Variants in AKAP13 observed in about 807,000 individuals in gnomAD.
The protein encoded by AKAP13 is A-kinase anchoring protein 13.
AKAP13 carries 80 observed loss-of-function variants against 264.5 expected under a neutral mutation model. That is an observed-to-expected ratio of 0.30 (90% CI 0.25 to 0.36). The LOEUF is 0.36. AKAP13 is among the 10% of genes least tolerant of loss of function. The pLI, the probability that AKAP13 is intolerant of heterozygous loss-of-function variation, is 1.00. For synonymous variants in AKAP13, 1,380 were observed against 1,250.2 expected, an observed-to-expected ratio of 1.10 and a Z score of -2.19; for missense variants, 3,712 against 3,435.2, an observed-to-expected ratio of 1.08 and a Z score of -2.01.
chr15:85,556,827 A>G (rs2078164271), intron 5 of AKAP13, among the ~76,000 whole-genome samples: 1 of 152,180 alleles, frequency 6.6e-6, no homozygotes, highest in Admixed American at 6.5e-5. Flanking sequence ...ACCTCCTCAG[A>G]AAGCTCTTCA....
At chr15:85,430,513 G>A (rs2150923432) in intron 1 of AKAP13, among the ~76,000 whole-genome samples, 1 of 152,286 alleles carries the variant, frequency 6.6e-6, no homozygotes, top group East Asian at 1.9e-4. Context: ...GCTAGTGGCT[G>A]GCGGTGGGTT....
chr15:85,682,895 G>A (rs1365788014), intron 15 of AKAP13, among the ~76,000 whole-genome samples: 4 of 152,156 alleles, frequency 2.6e-5, no homozygotes, highest in East Asian at 1.9e-4. Flanking sequence ...TCAAACTCCC[G>A]ACCTCAGGTG....
At chr15:85,384,455 G>T (rs1423128157) in intron 1 of AKAP13, among the ~76,000 whole-genome samples, 1 of 152,166 alleles carries the variant, frequency 6.6e-6, no homozygotes, top group East Asian at 1.9e-4. Flanking sequence ...AGTGGCTCAC[G>T]CCTGTAATCC....
In AKAP13 at chr15:85,394,429, T is replaced by C. The variant is rs369458224; in HGVS notation, c.-12+13631T>C. The stretch of plus-strand genomic sequence containing the variant: ...GTAGTCCCTTAAATGTGAATTGTCC[T>C]TGATTCATCCCTTTGAGCATTTTGA... On this transcript the variant is annotated intron_variant, in intron 1 of 36. Coordinates refer to ENST00000394518, the MANE Select transcript of AKAP13 (RefSeq NM_007200.5). Among the ~76,000 whole-genome samples the C allele has an allele frequency of 1.0e-3, 156 of 152,344 alleles. 5 individuals are homozygous for C. In the South Asian group the frequency reaches 0.031, roughly 30 times the overall value.
At chr15:85,547,045 A>T (rs564195449) in intron 5 of AKAP13, among the ~76,000 whole-genome samples, 8 of 152,286 alleles carry the variant, frequency 5.3e-5, no homozygotes, top group African/African-American at 1.9e-4. Flanking sequence ...CCCAGCCATG[A>T]TGCTATCTTT....
intron 1 of AKAP13, among the ~76,000 whole-genome samples, chr15:85,463,806 C>CTT (rs546749750): frequency 2.1e-5 from 3 of 144,446 alleles, no homozygotes; most frequent in Admixed American, 6.9e-5. Context: ...TGGGTCTTTA[C>CTT]TTTTTTTTTT....
intron 5 of AKAP13, among the ~76,000 whole-genome samples, chr15:85,551,507 C>G (rs1289953885): frequency 1.3e-5 from 2 of 152,164 alleles, no homozygotes; most frequent in Non-Finnish European, 2.9e-5. Flanking sequence ...TTTACAAACT[C>G]CCTTGGGCTT....
At chr15:85,432,810 T>C (rs1177593251) in intron 1 of AKAP13, among the ~76,000 whole-genome samples, 2 of 152,212 alleles carry the variant, frequency 1.3e-5, no homozygotes, top group Admixed American at 1.3e-4. Context: ...AGCAGATTTC[T>C]AACTACTTTG....
chr15:85,538,087 A>G (rs2077460616), intron 4 of AKAP13, among the ~76,000 whole-genome samples: 1 of 152,024 alleles, frequency 6.6e-6, no homozygotes, highest in African/African-American at 2.4e-5. Context: ...TTAGTTTCTC[A>G]GCTCGGTGGT....
At position 85,579,084 on chromosome 15, in the gene AKAP13, C is replaced by T; in HGVS notation, c.1016C>T (p.Thr339Ile). 6.2e-7 allele frequency: 1 copy of T among 1,614,166 alleles called. No individual in the cohort carries two copies. Among genetic ancestry groups the T allele is most frequent in the Non-Finnish European group, 8.5e-7 (1 of 1,180,036 alleles). Residue 339 changes from threonine to isoleucine, a missense_variant, in exon 7 of 37, where the codon ACT becomes ATT. Physicochemically the swap from Thr to Ile is moderately conservative, Grantham distance 89. Transcript: ENST00000394518. ...RLSSSEETES[T>I]QCCPGSPVAQ... Reference sequence around the variant, plus strand: ...TCTTCTTCTGAAGAGACTGAGAGCACTCAGTGCTGCCCAGGGAGCCCTGTT... The same window carrying T: ...TCTTCTTCTGAAGAGACTGAGAGCATTCAGTGCTGCCCAGGGAGCCCTGTT...
intron 4 of AKAP13, among the ~76,000 whole-genome samples, chr15:85,540,547 TA>T (rs1229810756): frequency 1.3e-5 from 2 of 152,050 alleles, no homozygotes; most frequent in South Asian, 2.1e-4. Context: ...ATTAGTGATC[TA>T]AAAAAATGAA....
chr15:85,394,586 G>T (rs540622775), intron 1 of AKAP13, among the ~76,000 whole-genome samples: 4 of 152,264 alleles, frequency 2.6e-5, no homozygotes, highest in African/African-American at 9.6e-5. Context: ...TACTTTGCTA[G>T]TTTCCTCACA....
At chr15:85,646,036 T>C in intron 10 of AKAP13, 82 bp downstream of exon 10, 1 of 1,537,620 alleles carries the variant, frequency 6.5e-7, no homozygotes, top group Non-Finnish European at 8.7e-7. Context: ...TTCCAACTTT[T>C]TCCCCCTCTT....
intron 14 of AKAP13, among the ~76,000 whole-genome samples, chr15:85,674,161 A>G (rs2084088565): frequency 6.6e-6 from 1 of 152,094 alleles, no homozygotes; most frequent in Non-Finnish European, 1.5e-5. Context: ...ATGCTTCTTA[A>G]TGAGATTTCA....
Position 85,711,926 on chromosome 15 carries a change from GGGCTC to G in AKAP13, c.5599+1282_5599+1286del, listed in dbSNP as rs1411876710. On this transcript the variant is annotated intron_variant, in intron 19 of 36. Coordinates refer to ENST00000394518, the MANE Select transcript of AKAP13 (RefSeq NM_007200.5). ...TAGCTCACTGTAACCTCAAACTCCTGGGCTCAAGAAATCCCCTCACCTCAGATTCC... is the reference window on the plus strand; with the variant it reads ...TAGCTCACTGTAACCTCAAACTCCTGAAGAAATCCCCTCACCTCAGATTCC... Among the ~76,000 whole-genome samples, 15 of 152,236 alleles carry G rather than the reference GGGCTC, an allele frequency of 9.9e-5. No individual in the cohort carries two copies. In the South Asian group the frequency reaches 3.1e-3, roughly 32 times the overall value.
intron 1 of AKAP13, among the ~76,000 whole-genome samples, chr15:85,440,796 T>G (rs1353974994): frequency 2.6e-5 from 4 of 152,208 alleles, no homozygotes; most frequent in Non-Finnish European, 4.4e-5. Context: ...CTCTTTTTTC[T>G]CACCTCTACC....
At chr15:85,525,148 T>G (rs1222154464) in intron 3 of AKAP13, among the ~76,000 whole-genome samples, 4 of 148,028 alleles carry the variant, frequency 2.7e-5, no homozygotes, top group Non-Finnish European at 4.4e-5. Context: ...AAGCTCCGCC[T>G]CTTGGGTTCA....
At chr15:85,584,787 G>A (rs1304717629) in intron 7 of AKAP13, among the ~76,000 whole-genome samples, 2 of 152,276 alleles carry the variant, frequency 1.3e-5, no homozygotes, top group East Asian at 1.9e-4. Context: ...AGTGTGGGGA[G>A]CATTTTTCTT....
At chr15:85,403,806 C>G (rs1021256717) in intron 1 of AKAP13, among the ~76,000 whole-genome samples, 2 of 150,096 alleles carry the variant, frequency 1.3e-5, no homozygotes, top group Non-Finnish European at 3.0e-5. Flanking sequence ...CTAGACCACA[C>G]CATCGCATGC....
Sources: allele counts gnomAD v4.1 joint callset (sites outside exome capture counted in the v4.1 genomes callset), GRCh38; gene constraint gnomAD v4.1.1; transcripts MANE v1.5; gene names NCBI Gene and HGNC (gene_info 2026-07-23, HGNC 2026-07-21).